Variants in MTHFS observed in about 807,000 individuals in gnomAD.
MTHFS encodes the protein methenyltetrahydrofolate synthetase.
A neutral mutation model predicts 12.7 loss-of-function variants in MTHFS; 7 were observed. The observed-to-expected ratio is 0.55, with a 90% CI of 0.31 to 1.03. The LOEUF is 1.03. Among genes scored for constraint, MTHFS ranks in the 50% least tolerant of loss-of-function variants. The probability of loss-of-function intolerance (pLI) is 0.05; values close to 1 mark genes in which losing one functional copy is unlikely to be tolerated. For synonymous variants in MTHFS, 100 were observed against 97.1 expected, an observed-to-expected ratio of 1.03 and a Z score of -0.18; for missense variants, 252 against 258.1, an observed-to-expected ratio of 0.98 and a Z score of 0.16.
At chr15:79,856,053 G>A (rs528759418) in intron 2 of MTHFS, among the ~76,000 whole-genome samples, 2 of 152,226 alleles carry the variant, frequency 1.3e-5, no homozygotes, top group Non-Finnish European at 2.9e-5. Flanking sequence ...TTGCTGGGTC[G>A]AATGGTAATT....
intron 2 of MTHFS, 55 bp downstream of exon 2, chr15:79,889,038 C>A: frequency 6.3e-7 from 1 of 1,593,354 alleles, no homozygotes; most frequent in Non-Finnish European, 8.6e-7. Context: ...ACCCGTGGAT[C>A]TGAGATCTAA....
chr15:79,894,532 C>T (rs2034532544), intron 1 of MTHFS, among the ~76,000 whole-genome samples: 1 of 152,140 alleles, frequency 6.6e-6, no homozygotes, highest in African/African-American at 2.4e-5. Flanking sequence ...TCCTTTAATG[C>T]CAGCTCTCAG....
intron 2 of MTHFS, among the ~76,000 whole-genome samples, chr15:79,853,749 A>G (rs1015727876): frequency 2.0e-5 from 3 of 152,260 alleles, no homozygotes; most frequent in African/African-American, 4.8e-5. Flanking sequence ...AGCCTTAGGC[A>G]GAGCAGGAGC....
chr15:79,875,304 C>G (rs1596074792), intron 2 of MTHFS, among the ~76,000 whole-genome samples: 1 of 151,874 alleles, frequency 6.6e-6, no homozygotes, highest in African/African-American at 2.4e-5. Context: ...TAGAGATCCT[C>G]AGATCCTCAT....
At chr15:79,896,413 C>T (rs535194073) in intron 1 of MTHFS, among the ~76,000 whole-genome samples, 26 of 152,316 alleles carry the variant, frequency 1.7e-4, no homozygotes, top group African/African-American at 6.0e-4. Context: ...GGCCATTTTA[C>T]TAATATAACC....
intron 2 of MTHFS, among the ~76,000 whole-genome samples, chr15:79,870,834 A>T (rs143977814): frequency 6.6e-6 from 1 of 152,344 alleles, no homozygotes; most frequent in Non-Finnish European, 1.5e-5. Context: ...GTTTATGTTG[A>T]CAAAAGCTAG....
chr15:79,856,773 CAACAAAAAAAGAAAGA>C (rs2141346668), intron 2 of MTHFS, among the ~76,000 whole-genome samples: 1 of 150,958 alleles, frequency 6.6e-6, no homozygotes, highest in East Asian at 1.9e-4. Context: ...TTCCTTACCA[CAACAAAAAAAGAAAGA>C]AAGAAAGAAA....
At chr15:79,858,187 T>A (rs766276879) in intron 2 of MTHFS, among the ~76,000 whole-genome samples, 1 of 152,132 alleles carries the variant, frequency 6.6e-6, no homozygotes, top group Non-Finnish European at 1.5e-5. Flanking sequence ...AACACAGAGA[T>A]AAGTTACTAT....
In MTHFS at chr15:79,889,367, T is replaced by A. The variant is rs2034434299; in HGVS notation, c.118-13A>T. 2 of 1,608,384 alleles carry A rather than the reference T, an allele frequency of 1.2e-6. No homozygotes were observed. Among genetic ancestry groups the A allele is most frequent in the Non-Finnish European group, 1.7e-6 (2 of 1,176,428 alleles). ...TGTGGGCAATCACCTAAATGGGAAA[T>A]TATGGCAATTATATTTTCCAAGACT... On this transcript the variant is annotated splice_polypyrimidine_tract_variant and intron_variant, in intron 1 of 2. Transcript: ENST00000258874.
intron 2 of MTHFS, among the ~76,000 whole-genome samples, chr15:79,864,544 C>CAAAAAAAAAAAAAAAAA (rs1566990932): frequency 8.4e-5 from 2 of 23,694 alleles, no homozygotes; most frequent in African/African-American, 4.1e-4. Flanking sequence ...GACTCCATCT[C>CAAAAAAAAAAAAAAAAA]AACAAAAAAA....
intron 1 of MTHFS, among the ~76,000 whole-genome samples, chr15:79,892,834 C>T (rs1452464517): frequency 1.3e-5 from 2 of 152,058 alleles, no homozygotes; most frequent in Non-Finnish European, 2.9e-5. Flanking sequence ...ACCTGTAGTC[C>T]CAGCTACTCG....
intron 2 of MTHFS, among the ~76,000 whole-genome samples, chr15:79,859,288 G>A (rs1448533601): frequency 6.6e-6 from 1 of 152,118 alleles, no homozygotes; most frequent in African/African-American, 2.4e-5. Context: ...TAGAATAATG[G>A]GGCAGGACTC....
chr15:79,859,036 A>C (rs1178566654), intron 2 of MTHFS, among the ~76,000 whole-genome samples: 1 of 152,222 alleles, frequency 6.6e-6, no homozygotes, highest in Admixed American at 6.5e-5. Context: ...CAGTAACAAC[A>C]TGACTAGAAG....
At chr15:79,897,150 C>T, upstream of MTHFS, 2 of 606,358 alleles carry the variant, frequency 3.3e-6, no homozygotes, top group South Asian at 3.2e-5. Flanking sequence ...CGCGGCGCGC[C>T]GCGCGCTTAC....
Position 79,890,988 on chromosome 15 carries a change from A to G in MTHFS, c.118-1634T>C, listed in dbSNP as rs148745866. 4.2e-3 allele frequency among the ~76,000 whole-genome samples: 640 copies of G among 152,358 alleles called. 10 individuals are homozygous for G. The highest frequency in any genetic ancestry group is 0.015 in the African/African-American group (626 of 41,588). ...AGTAATAAACATCAGTTAACACTCA[A>G]TGTGAGACTGTGCATGCATATTTAT... On this transcript the variant is annotated intron_variant, in intron 1 of 2. Coordinates refer to ENST00000258874, the MANE Select transcript of MTHFS (RefSeq NM_006441.4).
chr15:79,880,766 C>G (rs1826115006), intron 2 of MTHFS, among the ~76,000 whole-genome samples: 1 of 149,194 alleles, frequency 6.7e-6, no homozygotes, highest in Admixed American at 6.7e-5. Flanking sequence ...AAATAGTGGA[C>G]TCCTAATCCC....
chr15:79,894,147 G>A (rs535750307), intron 1 of MTHFS, among the ~76,000 whole-genome samples: 1 of 152,356 alleles, frequency 6.6e-6, no homozygotes, highest in South Asian at 2.1e-4. Context: ...CACTTTGGGA[G>A]GCAGAGGCGG....
At position 79,845,127 on chromosome 15, in the gene MTHFS, C is replaced by A. The variant is rs1250765784; in HGVS notation, c.*83G>T. 4.6e-6 allele frequency: 7 copies of A among 1,533,460 alleles called. No homozygotes were observed. The Admixed American group carries it at 1.2e-4, about 25-fold the overall frequency. The allele number at this position is 1,533,460 out of a possible 1,614,324, so 95.0% of individuals were successfully genotyped here. A position where few individuals can be genotyped will look rare whatever the true frequency, so the allele number is the denominator to read the frequency against. On this transcript the variant is annotated 3_prime_UTR_variant, in exon 3 of 3. Coordinates refer to ENST00000258874, the MANE Select transcript of MTHFS (RefSeq NM_006441.4). ...TATTCACATTAATGAACAATTTCAA[C>A]TAATTTTTGACAAGGGAAAAATACA...
At chr15:79,871,410 G>A (rs2034102803) in intron 2 of MTHFS, among the ~76,000 whole-genome samples, 1 of 152,002 alleles carries the variant, frequency 6.6e-6, no homozygotes, top group Non-Finnish European at 1.5e-5. Flanking sequence ...CAAAAAAAGA[G>A]GACAGACTGA....
Sources: gnomAD v4.1 joint callset for allele counts (sites outside exome capture counted in the v4.1 genomes callset) on GRCh38, gnomAD v4.1.1 for gene constraint, MANE v1.5 for transcripts, NCBI Gene and HGNC (gene_info 2026-07-23, HGNC 2026-07-21) for gene names.